The following FAT4 variants were observed in gnomAD, a reference collection of about 807,000 sequenced individuals.
FAT4 encodes the protein protocadherin Fat 4.
Under a neutral mutation model 303.9 loss-of-function variants are expected in FAT4, and 84 were observed. The observed-to-expected ratio is 0.28, with a 90% CI of 0.23 to 0.33. FAT4 has a LOEUF of 0.33. FAT4 is among the 10% of genes least tolerant of loss of function. The pLI is 1.00. For synonymous variants in FAT4, 2,307 were observed against 2,298.8 expected, an observed-to-expected ratio of 1.00 and a Z score of -0.10; for missense variants, 6,005 against 6,146.8, an observed-to-expected ratio of 0.98 and a Z score of 0.77.
rs180723034 is a variant in FAT4 at position 125,421,033 on chromosome 4, C to A, written c.7018+4411C>A. 4.2e-3 allele frequency among the ~76,000 whole-genome samples: 633 copies of A among 152,250 alleles called. 1 individual carries two copies. Among genetic ancestry groups the A allele is most frequent in the Admixed American group, 6.7e-3 (102 of 15,290 alleles). ...GCAACCTTCGCCTCCCGGGTTCAAA[C>A]AATTCTCCTGCCTCAGCCTCCCAAG... On this transcript the variant is annotated intron_variant, in intron 7 of 17. Coordinates refer to ENST00000394329, the MANE Select transcript of FAT4 (RefSeq NM_001291303.3).
chr4:125,458,304 A>G lies in FAT4; in HGVS notation c.11801-5259A>G, dbSNP rs528567672. Among the ~76,000 whole-genome samples, 9 of 152,104 alleles carry G rather than the reference A, an allele frequency of 5.9e-5. No homozygotes were observed. In the East Asian group the frequency reaches 1.5e-3, roughly 26 times the overall value. On this transcript the variant is annotated intron_variant, in intron 10 of 17. Coordinates refer to ENST00000394329, the MANE Select transcript of FAT4 (RefSeq NM_001291303.3). ...ACAGTAAAATTTTTTCAGACATACC[A>G]ACTTATATACAGAATATGCATAGTA...
chr4:125,361,376 C>T (rs548188403), intron 2 of FAT4, among the ~76,000 whole-genome samples: 1 of 152,052 alleles, frequency 6.6e-6, no homozygotes, highest in African/African-American at 2.4e-5. Flanking sequence ...CCGGAAGGCA[C>T]AGGGAGTGAG....
At position 125,463,639 on chromosome 4, in the gene FAT4, G is replaced by T; in HGVS notation, c.11877G>T (p.Val3959=). The T allele has an allele frequency of 1.3e-6, 2 of 1,594,814 alleles. No homozygotes were observed. Among genetic ancestry groups the T allele is most frequent in the Non-Finnish European group, 1.7e-6 (2 of 1,168,172 alleles). ...CFNGGSCQSG[V]DSYYCHCPFG... is the part of the protein sequence containing the mutation. ...ATGGTGGTTCCTGCCAAAGTGGTGT[G>T]GATTCTTATTATTGTCATTGTCCAT... Residue 3959 remains valine (V), a synonymous_variant, in exon 11 of 18, where the codon GTG becomes GTT. Transcript: ENST00000394329.
chr4:125,317,310 C>T lies in FAT4; in HGVS notation c.899C>T (p.Pro300Leu), dbSNP rs780900437. 6.2e-7 allele frequency: 1 copy of T among 1,604,176 alleles called. No homozygotes were observed. The highest frequency in any genetic ancestry group is 1.1e-5 in the South Asian group (1 of 90,716). ...QDEGTPFQMD[P>L]ETGLITVREP... ...GAGGGGACCCCCTTCCAAATGGACC[C>T]TGAGACGGGACTTATCACGGTGCGG... Residue 300 changes from proline to leucine, a missense_variant, in exon 2 of 18, where the codon CCT becomes CTT. Transcript: ENST00000394329. The surrounding 1 kb of genome is among the most constrained non-coding windows in gnomAD (Gnocchi z 7.0).
chr4:125,318,257 G>A lies in FAT4; in HGVS notation c.1846G>A (p.Gly616Arg), dbSNP rs775818322. 25 of 1,614,064 alleles carry A rather than the reference G, an allele frequency of 1.5e-5. No individual in the cohort carries two copies. Among genetic ancestry groups the A allele is most frequent in the Middle Eastern group, 1.6e-4 (1 of 6,084 alleles). The change falls in exon 2 of 18, where the codon GGA becomes AGA. Residue 616 changes from glycine (G) to arginine (R), a missense_variant. Gly to Arg is a moderately radical substitution (Grantham distance 125, BLOSUM62 -2). Coordinates refer to ENST00000394329, the MANE Select transcript of FAT4 (RefSeq NM_001291303.3). ...AACTGACGGGGACCTGGGTGACAAC[G>A]GAACAGTGCGCTTCTCCTTACAAGA... The part of the protein sequence containing the change: ...RATDGDLGDN[G>R]TVRFSLQEAE...
chr4:125,320,257 C>G lies in FAT4; in HGVS notation c.3846C>G (p.Ser1282=), dbSNP rs774297183. ...ACTATGAAGCAACACCTGCCTATTC[C>G]CTTGTAATTCAAGCAGTGGATTCAG... ...KLDYEATPAY[S]LVIQAVDSGT... The change falls in exon 2 of 18, where the codon TCC becomes TCG. Residue 1282 remains serine (S), a synonymous_variant. Transcript: ENST00000394329. The G allele has an allele frequency of 6.2e-7, 1 of 1,614,136 alleles. No homozygotes were observed. The highest frequency in any genetic ancestry group is 8.5e-7 in the Non-Finnish European group (1 of 1,180,014).
At chr4:125,378,605 TTC>T (rs1389114489) in intron 2 of FAT4, among the ~76,000 whole-genome samples, 1 of 152,146 alleles carries the variant, frequency 6.6e-6, no homozygotes, top group African/African-American at 2.4e-5. Flanking sequence ...GTACTATATT[TTC>T]TCTTAGTAAG....
chr4:125,393,124 A>G (rs1033093222), intron 2 of FAT4, among the ~76,000 whole-genome samples: 2 of 152,218 alleles, frequency 1.3e-5, no homozygotes, highest in African/African-American at 4.8e-5. Context: ...CCCAAAAGAA[A>G]ACAAAAGATT....
rs267600016 is a variant in FAT4 at position 125,490,706 on chromosome 4, C to T, written c.13890C>T (p.Ile4630=). The T allele has an allele frequency of 1.4e-5, 22 of 1,614,022 alleles. No homozygotes were observed. Among genetic ancestry groups the T allele is most frequent in the Middle Eastern group, 1.6e-4 (1 of 6,084 alleles). The change falls in exon 18 of 18, where the codon ATC becomes ATT. Residue 4630 remains isoleucine, a synonymous_variant. Transcript: ENST00000394329. ...EHYDIDNASS[I]APSDADIIQH... ...ATGACATTGACAACGCCAGCAGCAT[C>T]GCCCCTTCGGATGCAGACATCATTC...
chr4:125,440,293 T>C (rs1489841167), intron 8 of FAT4, among the ~76,000 whole-genome samples: 3 of 147,508 alleles, frequency 2.0e-5, no homozygotes, highest in Non-Finnish European at 4.5e-5. Context: ...TTTAGTCTGA[T>C]TTTTTTTTTC....
At chr4:125,358,633 G>A (rs1732529774) in intron 2 of FAT4, among the ~76,000 whole-genome samples, 1 of 152,144 alleles carries the variant, frequency 6.6e-6, no homozygotes, top group African/African-American at 2.4e-5. Flanking sequence ...TGAGTGATGG[G>A]AAGATGGGAA....
rs1725920840 is a variant in FAT4, at chr4:125,448,765, C to G, written c.7755C>G (p.Ser2585Arg). ...TFMFPENQPV[S>R]SLVTTITGSS... ...TGTTTCCTGAAAACCAACCAGTCAG[C>G]TCTCTTGTCACCACCATCACAGGAT... The change falls in exon 10 of 18, where the codon AGC (serine) becomes AGG (arginine). Residue 2585 changes from serine (S) to arginine (R), a missense_variant. Transcript: ENST00000394329. 6.2e-7 allele frequency: 1 copy of G among 1,612,172 alleles called. No individual in the cohort carries two copies. Among genetic ancestry groups the G allele is most frequent in the Admixed American group, 1.7e-5 (1 of 59,960 alleles).
At chr4:125,472,664 C>G (rs1726903506) in intron 12 of FAT4, among the ~76,000 whole-genome samples, 1 of 152,170 alleles carries the variant, frequency 6.6e-6, no homozygotes, top group Non-Finnish European at 1.5e-5. Flanking sequence ...GATACAATGA[C>G]ATTTCTCTCC....
At chr4:125,408,938 C>G (rs930756552) in intron 5 of FAT4, 144 bp downstream of exon 5, 1 of 444,906 alleles carries the variant, frequency 2.2e-6, no homozygotes, top group African/African-American at 2.0e-5. Flanking sequence ...TATAACTGAA[C>G]TGTAGAGGAT....
chr4:125,427,074 A>C (rs1455046680), intron 7 of FAT4, among the ~76,000 whole-genome samples: 1 of 151,948 alleles, frequency 6.6e-6, no homozygotes, highest in Non-Finnish European at 1.5e-5. Flanking sequence ...AGTGTTTCAG[A>C]GTTTCAATAA....
intron 7 of FAT4, among the ~76,000 whole-genome samples, chr4:125,423,145 C>T (rs1367480346): frequency 6.6e-6 from 1 of 152,112 alleles, no homozygotes; most frequent in Non-Finnish European, 1.5e-5. Context: ...AAGAAAAACC[C>T]ATTTTCTGGG....
intron 2 of FAT4, among the ~76,000 whole-genome samples, chr4:125,364,834 A>G (rs1732802823): frequency 6.6e-6 from 1 of 152,216 alleles, no homozygotes; most frequent in Non-Finnish European, 1.5e-5. Flanking sequence ...TCTCATACCA[A>G]AATGAGAAGC....
intron 8 of FAT4, among the ~76,000 whole-genome samples, chr4:125,437,715 A>G (rs1005136476): frequency 1.4e-4 from 22 of 152,206 alleles, no homozygotes; most frequent in African/African-American, 5.3e-4. Context: ...TAAAAATCAT[A>G]TCATAAGATT....
chr4:125,380,483 A>G (rs1294283115), intron 2 of FAT4, among the ~76,000 whole-genome samples: 1 of 152,226 alleles, frequency 6.6e-6, no homozygotes, highest in Non-Finnish European at 1.5e-5. Flanking sequence ...TCCATACAAT[A>G]TTAAAAACCG....
Sources: gnomAD v4.1 joint callset for allele counts (sites outside exome capture counted in the v4.1 genomes callset) on GRCh38, gnomAD v4.1.1 for gene constraint, Gnocchi (gnomAD v3.1) non-coding constraint, MANE v1.5 for transcripts, NCBI Gene and HGNC (gene_info 2026-07-23, HGNC 2026-07-21) for gene names.